Variants in CADPS2 observed in about 807,000 individuals in gnomAD.
CADPS2 encodes calcium dependent secretion activator 2.
In CADPS2, 93 loss-of-function variants were observed where a neutral mutation model predicts 172.5. The ratio of observed to expected loss-of-function variants is 0.54; its 90% CI spans 0.46 to 0.64. The LOEUF is 0.64. Among genes scored for constraint, CADPS2 ranks in the 30% least tolerant of loss-of-function variants. CADPS2 has a pLI of 0.00. For missense variants in CADPS2, 1,420 were observed against 1,565.9 expected, an observed-to-expected ratio of 0.91 and a Z score of 1.57; for synonymous variants, 546 against 555.2, an observed-to-expected ratio of 0.98 and a Z score of 0.23.
intron 28 of CADPS2, among the ~76,000 whole-genome samples, chr7:122,329,343 A>G (rs2034504547): frequency 6.6e-6 from 1 of 152,078 alleles, no homozygotes; most frequent in African/African-American, 2.4e-5. Flanking sequence ...GACAAACCTC[A>G]TCTCCTAAAT....
rs114251024 is a variant in CADPS2 at position 122,662,646 on chromosome 7, T to C, written c.786+591A>G. Among the ~76,000 whole-genome samples, 475 of 152,306 alleles carry C rather than the reference T, an allele frequency of 3.1e-3. 4 individuals carry two copies. The highest frequency in any genetic ancestry group is 0.011 in the African/African-American group (449 of 41,572). On this transcript the variant is annotated intron_variant, in intron 3 of 29. Coordinates refer to ENST00000449022, the MANE Select transcript of CADPS2 (RefSeq NM_017954.11). ...GCCTCAGCCTCCCAAAGCATTGGGT[T>C]ACAGGCGTGAGCCACCATGCCTGGC...
intron 20 of CADPS2, among the ~76,000 whole-genome samples, chr7:122,394,636 A>G (rs28630520): frequency 0.051 from 7,726 of 152,068 alleles, 662 homozygotes; most frequent in African/African-American, 0.18. Flanking sequence ...AAGTTTTGGG[A>G]AGGAATAAGC....
intron 1 of CADPS2, among the ~76,000 whole-genome samples, chr7:122,839,177 G>T (rs1584814952): frequency 1.3e-5 from 2 of 152,286 alleles, no homozygotes; most frequent in South Asian, 2.1e-4. Context: ...AAGAAATGGG[G>T]AAAGGATTCC....
intron 1 of CADPS2, among the ~76,000 whole-genome samples, chr7:122,816,631 T>G (rs1384325510): frequency 6.6e-6 from 1 of 152,250 alleles, no homozygotes; most frequent in African/African-American, 2.4e-5. Flanking sequence ...AATAGCTTTG[T>G]GAATGTACAT....
chr7:122,558,857 T>G (rs897507814), intron 7 of CADPS2, among the ~76,000 whole-genome samples: 11 of 152,302 alleles, frequency 7.2e-5, no homozygotes, highest in African/African-American at 2.6e-4. Context: ...AAATCAAGAC[T>G]ATTTAAATTG....
At chr7:122,525,767 T>G (rs1476800843) in intron 8 of CADPS2, among the ~76,000 whole-genome samples, 3 of 152,196 alleles carry the variant, frequency 2.0e-5, no homozygotes, top group Non-Finnish European at 4.4e-5. Flanking sequence ...GGTTGAGTTA[T>G]TAACTGGTTA....
chr7:122,632,730 C>T (rs34731459), intron 3 of CADPS2, among the ~76,000 whole-genome samples: 5,446 of 152,182 alleles, frequency 0.036, 190 homozygotes, highest in Non-Finnish European at 0.05. Context: ...TTTGTTTTCA[C>T]TGTAATTGCT....
chr7:122,757,877 G>C (rs2093228916), intron 1 of CADPS2, among the ~76,000 whole-genome samples: 1 of 151,782 alleles, frequency 6.6e-6, no homozygotes, highest in Non-Finnish European at 1.5e-5. Flanking sequence ...CAATTAGTAT[G>C]GATGTTTTTC....
At chr7:122,649,994 C>T (rs1238200646) in intron 3 of CADPS2, among the ~76,000 whole-genome samples, 2 of 140,078 alleles carry the variant, frequency 1.4e-5, no homozygotes, top group Admixed American at 7.7e-5. Context: ...ACTGCAACCT[C>T]TGCCTCTTGG....
At chr7:122,558,247 T>C (rs2065276649) in intron 7 of CADPS2, among the ~76,000 whole-genome samples, 2 of 152,170 alleles carry the variant, frequency 1.3e-5, no homozygotes, top group South Asian at 4.1e-4. Context: ...ACTCAGTTCA[T>C]GTTTAGAGAT....
chr7:122,570,116 T>A lies in CADPS2; in HGVS notation c.1335+11063A>T, dbSNP rs1411181848. On this transcript the variant is annotated intron_variant, in intron 7 of 29. Coordinates refer to ENST00000449022, the MANE Select transcript of CADPS2 (RefSeq NM_017954.11). ...AGGCAACCTACAGAATGGGAGAAAA[T>A]TTTCGCAACCTACTCATCTGACGAA... 2.0e-5 allele frequency among the ~76,000 whole-genome samples: 3 copies of A among 147,396 alleles called. No homozygotes were observed. The East Asian group carries it at 6.0e-4, about 29-fold the overall frequency.
chr7:122,757,873 G>C (rs980078685), intron 1 of CADPS2, among the ~76,000 whole-genome samples: 2 of 151,874 alleles, frequency 1.3e-5, no homozygotes, highest in Non-Finnish European at 2.9e-5. Flanking sequence ...GACTCAATTA[G>C]TATGGATGTT....
intron 6 of CADPS2, among the ~76,000 whole-genome samples, chr7:122,599,357 G>A (rs960212307): frequency 1.3e-5 from 2 of 151,986 alleles, no homozygotes; most frequent in Non-Finnish European, 2.9e-5. Context: ...TCAAACCAAG[G>A]GGCAGGCAAG....
At chr7:122,740,798 A>G (rs915832117) in intron 1 of CADPS2, among the ~76,000 whole-genome samples, 2 of 152,174 alleles carry the variant, frequency 1.3e-5, no homozygotes, top group South Asian at 4.1e-4. Flanking sequence ...CCATATAGAG[A>G]GTTCCTAGAA....
In CADPS2 at chr7:122,692,446, G is replaced by C. The variant is rs181009788; in HGVS notation, c.454-28877C>G. On this transcript the variant is annotated intron_variant, in intron 2 of 29. Coordinates refer to ENST00000449022, the MANE Select transcript of CADPS2 (RefSeq NM_017954.11). Reference sequence around the variant, plus strand: ...TACAAACGCCCATGTGACTCTGCCAGCGAAGGTATGCTTTTCCTTAGTGCT... The same window carrying C: ...TACAAACGCCCATGTGACTCTGCCACCGAAGGTATGCTTTTCCTTAGTGCT... Among the ~76,000 whole-genome samples, 1,170 of 152,306 alleles carry C rather than the reference G, an allele frequency of 7.7e-3. 30 individuals carry two copies. The highest frequency in any genetic ancestry group is 7.0e-3 in the Non-Finnish European group (473 of 68,034).
intron 12 of CADPS2, among the ~76,000 whole-genome samples, chr7:122,475,868 T>G (rs1305752401): frequency 6.6e-6 from 1 of 152,230 alleles, no homozygotes; most frequent in East Asian, 1.9e-4. Context: ...GAAAGTATCA[T>G]ACTTATACCT....
intron 1 of CADPS2, among the ~76,000 whole-genome samples, chr7:122,740,065 A>G (rs991543648): frequency 1.3e-5 from 2 of 152,204 alleles, no homozygotes; most frequent in African/African-American, 4.8e-5. Context: ...AACAAAATCC[A>G]GAACACAGAA....
At chr7:122,707,471 G>A (rs558030263) in intron 2 of CADPS2, among the ~76,000 whole-genome samples, 1 of 151,878 alleles carries the variant, frequency 6.6e-6, no homozygotes, top group Non-Finnish European at 1.5e-5. Flanking sequence ...AAGCAAAACA[G>A]ATAAATACAA....
At chr7:122,697,850 T>C (rs1467532516) in intron 2 of CADPS2, 3 of 1,611,106 alleles carry the variant, frequency 1.9e-6, no homozygotes, top group Admixed American at 3.4e-5. Flanking sequence ...TTCTGAGAAG[T>C]AGGGTTCTCC....
Sources: gnomAD v4.1 joint callset for allele counts (sites outside exome capture counted in the v4.1 genomes callset) on GRCh38, gnomAD v4.1.1 for gene constraint, MANE v1.5 for transcripts, NCBI Gene and HGNC (gene_info 2026-07-23, HGNC 2026-07-21) for gene names.